Variants in PNPLA6 observed in about 807,000 individuals in gnomAD.
PNPLA6 encodes the protein patatin-like phospholipase domain-containing protein 6.
A neutral mutation model predicts 153.7 loss-of-function variants in PNPLA6; 105 were observed. That is an observed-to-expected ratio of 0.68 (90% CI 0.58 to 0.80). The LOEUF (loss-of-function observed/expected upper bound fraction) is 0.80, where lower values mean the gene tolerates loss of function less well. Among genes scored for constraint, PNPLA6 ranks in the 30% least tolerant of loss-of-function variants. PNPLA6 has a pLI of 0.00. For missense variants in PNPLA6, 1,423 were observed against 1,919.3 expected, an observed-to-expected ratio of 0.74 and a Z score of 4.83; for synonymous variants, 825 against 822.2, an observed-to-expected ratio of 1.00 and a Z score of -0.06.
intron 27 of PNPLA6, 28 bp downstream of exon 27, chr19:7,557,312 A>G (rs1214207896): frequency 2.9e-6 from 4 of 1,372,798 alleles, no homozygotes; most frequent in Non-Finnish European, 4.1e-6. Context: ...CCACCCGCAC[A>G]CGCAAGCACC....
rs765257753 is a variant in PNPLA6 at position 7,558,858 on chromosome 19, G to A, written c.3406G>A (p.Ala1136Thr). The A allele has an allele frequency of 6.2e-7, 1 of 1,608,412 alleles. No homozygotes were observed. The highest frequency in any genetic ancestry group is 8.5e-7 in the Non-Finnish European group (1 of 1,179,638). The change falls in exon 28 of 32, where the codon GCC (alanine) becomes ACC (threonine). Residue 1136 changes from alanine (A) to threonine (T), a missense_variant. Ala to Thr is a moderately conservative substitution (Grantham distance 58, BLOSUM62 0). Around this residue, in one of 10 missense-constraint regions of PNPLA6, gnomAD observed 643 missense variants for 835.2 expected, o/e 0.77. Transcript: ENST00000600737. ...GYINNLPADIARSMGAKTVIA... is the reference protein window; with the variant it reads ...GYINNLPADITRSMGAKTVIA... The stretch of plus-strand genomic sequence containing the variant: ...CCCCCCTGGCCCCACAGCGGACATC[G>A]CCCGCAGCATGGGTGCCAAAACGGT...
At chr19:7,548,601 AGGGAAAAACG>A (rs994468411) in intron 13 of PNPLA6, among the ~76,000 whole-genome samples, 1 of 151,980 alleles carries the variant, frequency 6.6e-6, no homozygotes, top group Admixed American at 6.6e-5. Flanking sequence ...TGTATTATTT[AGGGAAAAACG>A]GGGAAAATAG....
In PNPLA6 at chr19:7,549,978, C is replaced by G. The variant is rs761103593; in HGVS notation, c.1680C>G (p.Asp560Glu). The G allele has an allele frequency of 5.6e-6, 9 of 1,613,946 alleles. No homozygotes were observed. The East Asian group carries it at 1.8e-4, about 32-fold the overall frequency. ...VYQRMIDKAE[D>E]VCLFVAQPGE... ...AGCGCATGATCGACAAGGCGGAGGACGTGTGCCTGTTCGTAGCGCAGCCCG... is the reference window on the plus strand; with the variant it reads ...AGCGCATGATCGACAAGGCGGAGGAGGTGTGCCTGTTCGTAGCGCAGCCCG... The change falls in exon 14 of 32, where the codon GAC becomes GAG. Residue 560 changes from aspartate (D) to glutamate (E), a missense_variant. Coordinates refer to ENST00000600737, the MANE Select transcript of PNPLA6 (RefSeq NM_001166114.2).
chr19:7,542,420 G>A (rs755029415), intron 10 of PNPLA6, 141 bp from the exon 11 acceptor site: 23 of 718,838 alleles, frequency 3.2e-5, no homozygotes, highest in East Asian at 1.1e-4. Context: ...CTGCAGCCTC[G>A]AACTCCTATG....
chr19:7,535,020 AC>A (rs2022776174), upstream of PNPLA6: 1 of 166,040 alleles, frequency 6.0e-6, no homozygotes, highest in Non-Finnish European at 1.3e-5. The surrounding 1 kb of genome is among the most constrained non-coding windows in gnomAD (Gnocchi z 5.0). Context: ...CCACTCCCGG[AC>A]CCCACGGTTT....
chr19:7,551,897 T>G (rs1169388204), intron 18 of PNPLA6, among the ~76,000 whole-genome samples: 1 of 151,704 alleles, frequency 6.6e-6, no homozygotes, highest in Non-Finnish European at 1.5e-5. Context: ...CCCAGGAGAT[T>G]GAGTTTGAAA....
chr19:7,555,390 G>A lies in PNPLA6; in HGVS notation c.2936+23G>A. ...CAGGTGAGGGCGGGGCTTGCTCTCT[G>A]GGGGCGGGGCCTGGATGTCCGAGGG... On this transcript the variant is annotated intron_variant, in intron 23 of 31. Transcript: ENST00000600737. The surrounding 1 kb of genome is among the most constrained non-coding windows in gnomAD (Gnocchi z 6.3). The A allele has an allele frequency of 6.8e-7, 1 of 1,466,814 alleles. No homozygotes were observed. The highest frequency in any genetic ancestry group is 1.4e-5 in the African/African-American group (1 of 71,470). 90.9% of individuals were successfully genotyped at this position (1,466,814 alleles called of 1,614,324 possible).
In PNPLA6 at chr19:7,540,588, C is replaced by G. The variant is rs777753944; in HGVS notation, c.715-42C>G. On this transcript the variant is annotated intron_variant, in intron 5 of 31. Transcript: ENST00000600737. The surrounding 1 kb of genome is among the most constrained non-coding windows in gnomAD (Gnocchi z 6.8). ...GATGAGGGGGCGACATGCCAGTCAC[C>G]AGGGCGAGGCCACTGAGGGTCCACG... 1.4e-6 allele frequency: 2 copies of G among 1,477,792 alleles called. No individual in the cohort carries two copies. Among genetic ancestry groups the G allele is most frequent in the African/African-American group, 2.8e-5 (2 of 72,274 alleles). 91.5% of individuals were successfully genotyped at this position (1,477,792 alleles called of 1,614,324 possible).
chr19:7,558,809 C>A (rs752873858), intron 27 of PNPLA6, 41 bp from the exon 28 acceptor site: 4 of 1,515,286 alleles, frequency 2.6e-6, no homozygotes, highest in African/African-American at 1.4e-5. Context: ...CTGCCCCGGG[C>A]CCCCGAGGGG....
At chr19:7,549,598 C>G (rs2023554380) in intron 13 of PNPLA6, 1 of 426,824 alleles carries the variant, frequency 2.3e-6, no homozygotes. Flanking sequence ...AGGCAATTCT[C>G]TTGCCTCAGC....
upstream of PNPLA6, chr19:7,535,696 C>A: frequency 6.6e-7 from 1 of 1,524,950 alleles, no homozygotes; most frequent in Non-Finnish European, 8.8e-7. The surrounding 1 kb of genome is among the most constrained non-coding windows in gnomAD (Gnocchi z 5.0). Context: ...TCCGCTCGGG[C>A]GGAACTACGT....
At chr19:7,534,276 C>T (rs1299128828), upstream of PNPLA6, 2 of 264,446 alleles carry the variant, frequency 7.6e-6, no homozygotes, top group Non-Finnish European at 7.4e-6. Flanking sequence ...CAGGGGTGTC[C>T]CTTCGAGGGT....
At position 7,555,733 on chromosome 19, in the gene PNPLA6, C is replaced by T. The variant is rs2023850660; in HGVS notation, c.3063C>T (p.Arg1021=). 1 of 1,613,794 alleles carries T rather than the reference C, an allele frequency of 6.2e-7. No individual in the cohort carries two copies. Among genetic ancestry groups the T allele is most frequent in the Admixed American group, 1.7e-5 (1 of 60,012 alleles). The part of the protein sequence containing the change: ...ALYAEERSAS[R]TKQRAREWAK... Reference sequence around the variant, plus strand: ...ACGCGGAGGAGCGCAGCGCCAGCCGCACGAAGCAGCGGGCCCGGGAGTGGG... The same window carrying T: ...ACGCGGAGGAGCGCAGCGCCAGCCGTACGAAGCAGCGGGCCCGGGAGTGGG... Residue 1021 remains arginine, a synonymous_variant, in exon 24 of 32, where the codon CGC becomes CGT. Transcript: ENST00000600737. This position sits in a 1 kb window ranked among gnomAD's most constrained non-coding sequence, Gnocchi z 6.3.
Position 7,543,102 on chromosome 19 carries a change from C to G in PNPLA6, c.1608+18C>G, listed in dbSNP as rs568133745. 6.2e-7 allele frequency: 1 copy of G among 1,608,144 alleles called. No individual in the cohort carries two copies. The highest frequency in any genetic ancestry group is 2.2e-5 in the East Asian group (1 of 44,850). On this transcript the variant is annotated intron_variant, in intron 13 of 31. Coordinates refer to ENST00000600737, the MANE Select transcript of PNPLA6 (RefSeq NM_001166114.2). ...GAGACCAGGTGAGGCTGACCCCTGA[C>G]CTGTAACCATGCCACCTGAGATCAT...
In PNPLA6 at chr19:7,541,357, A is replaced by C; in HGVS notation, c.928A>C (p.Ile310Leu). 6.2e-7 allele frequency: 1 copy of C among 1,613,502 alleles called. No individual in the cohort carries two copies. The change falls in exon 8 of 32, where the codon ATC becomes CTC. Residue 310 changes from isoleucine (I) to leucine (L), a missense_variant. By Grantham distance (5) the Ile-to-Leu change is conservative. Around this residue, in one of 10 missense-constraint regions of PNPLA6, gnomAD observed 118 missense variants for 158.8 expected, o/e 0.74. Transcript: ENST00000600737. The surrounding 1 kb of genome is among the most constrained non-coding windows in gnomAD (Gnocchi z 5.2). ...CCACGCCCCTCGAGCCCTGCAGATC[A>C]TCATGGTGCGGCTGCAGCGAGTCAC... ...PESLVRVVQI[I>L]MVRLQRVTFL...
rs748407598 is a variant in PNPLA6 at position 7,540,618 on chromosome 19, C to G, written c.715-12C>G. ...CGAGGCCACTGAGGGTCCACGGTCTCCTGTGTCTCAGGACGGGAAGGAGTG... is the reference window on the plus strand; with the variant it reads ...CGAGGCCACTGAGGGTCCACGGTCTGCTGTGTCTCAGGACGGGAAGGAGTG... On this transcript the variant is annotated splice_polypyrimidine_tract_variant and intron_variant, in intron 5 of 31. Coordinates refer to ENST00000600737, the MANE Select transcript of PNPLA6 (RefSeq NM_001166114.2). The surrounding 1 kb of genome is among the most constrained non-coding windows in gnomAD (Gnocchi z 6.8). 1.9e-6 allele frequency: 3 copies of G among 1,610,176 alleles called. No homozygotes were observed. Among genetic ancestry groups the G allele is most frequent in the Non-Finnish European group, 2.6e-6 (3 of 1,176,466 alleles).
In PNPLA6 at chr19:7,558,859, C is replaced by A; in HGVS notation, c.3407C>A (p.Ala1136Asp). 6.2e-7 allele frequency: 1 copy of A among 1,608,902 alleles called. No individual in the cohort carries two copies. The highest frequency in any genetic ancestry group is 8.5e-7 in the Non-Finnish European group (1 of 1,179,716). ...CCCCCTGGCCCCACAGCGGACATCG[C>A]CCGCAGCATGGGTGCCAAAACGGTC... ...GYINNLPADI[A>D]RSMGAKTVIA... Residue 1136 changes from alanine to aspartate, a missense_variant, in exon 28 of 32, where the codon GCC becomes GAC. This residue lies in a region of PNPLA6 where 643 missense variants were observed against 835.2 expected (regional missense o/e 0.77). Transcript: ENST00000600737.
At position 7,555,452 on chromosome 19, in the gene PNPLA6, G is replaced by A. The variant is rs2023836436; in HGVS notation, c.2936+85G>A. 1 of 1,316,656 alleles carries A rather than the reference G, an allele frequency of 7.6e-7. No homozygotes were observed. The highest frequency in any genetic ancestry group is 1.5e-5 in the African/African-American group (1 of 68,960). The allele number at this position is 1,316,656 out of a possible 1,614,324, so 81.6% of individuals were successfully genotyped here. ...GGGAGAAACCGTGGGGGCGGGGCCTGGGTGTTCGAGGGTGGAGCTTCCCCT... is the reference window on the plus strand; with the variant it reads ...GGGAGAAACCGTGGGGGCGGGGCCTAGGTGTTCGAGGGTGGAGCTTCCCCT... On this transcript the variant is annotated intron_variant, in intron 23 of 31. Coordinates refer to ENST00000600737, the MANE Select transcript of PNPLA6 (RefSeq NM_001166114.2). The surrounding 1 kb of genome is among the most constrained non-coding windows in gnomAD (Gnocchi z 6.3).
intron 17 of PNPLA6, 45 bp from the exon 18 acceptor site, chr19:7,551,317 C>T (rs750900176): frequency 2.5e-6 from 4 of 1,585,076 alleles, no homozygotes; most frequent in Non-Finnish European, 3.5e-6. Flanking sequence ...ACCTGGACAG[C>T]CGCTTCCCAG....
Sources: gnomAD v4.1 joint callset for allele counts (sites outside exome capture counted in the v4.1 genomes callset) on GRCh38, gnomAD v4.1.1 for gene constraint, gnomAD v4.1.1 regional missense constraint, Gnocchi (gnomAD v3.1) non-coding constraint, MANE v1.5 for transcripts, NCBI Gene and HGNC (gene_info 2026-07-23, HGNC 2026-07-21) for gene names.